ZNF804B: variants seen among roughly 807,000 people sequenced by gnomAD.
The protein encoded by ZNF804B is zinc finger protein 804B, also known as zinc finger 804B.
Under a neutral mutation model 101.4 loss-of-function variants are expected in ZNF804B, and 80 were observed. The observed-to-expected ratio is 0.79, with a 90% CI of 0.66 to 0.95. The LOEUF is 0.95. ZNF804B is among the 40% of genes least tolerant of loss of function. The pLI, the probability that ZNF804B is intolerant of heterozygous loss-of-function variation, is 0.00. For synonymous variants in ZNF804B, 622 were observed against 558.8 expected (o/e 1.11, Z -1.59); for missense variants, 1,673 against 1,561.9 (o/e 1.07, Z -1.20).
At chr7:89,095,741 A>T (rs1390962640) in intron 1 of ZNF804B, among the ~76,000 whole-genome samples, 3 of 152,372 alleles carry the variant, frequency 2.0e-5, no homozygotes, top group African/African-American at 7.2e-5. Context: ...AAATATTTGC[A>T]TTTACATTTG....
At chr7:88,872,408 A>G (rs1395065261) in intron 1 of ZNF804B, among the ~76,000 whole-genome samples, 1 of 151,782 alleles carries the variant, frequency 6.6e-6, no homozygotes, top group Non-Finnish European at 1.5e-5. Context: ...CAGAGCAAGA[A>G]CCTCTCCCTA....
intron 1 of ZNF804B, among the ~76,000 whole-genome samples, chr7:88,951,227 C>A (rs1227667402): frequency 6.6e-6 from 1 of 151,822 alleles, no homozygotes; most frequent in Non-Finnish European, 1.5e-5. Flanking sequence ...TCTGCTATTC[C>A]ACATTTAATG....
rs141281456 is a variant in ZNF804B, at chr7:88,774,624, C to T, written c.108+14540C>T. Among the ~76,000 whole-genome samples the T allele has an allele frequency of 1.6e-3, 241 of 152,236 alleles. 2 individuals carry two copies. The highest frequency in any genetic ancestry group is 5.3e-3 in the African/African-American group (222 of 41,530). ...CTATTCATCCTACTAAGTATTTATT[C>T]TTCAATGTGAATAAAGGATCTGGAA... On this transcript the variant is annotated intron_variant, in intron 1 of 3. Transcript: ENST00000333190.
chr7:88,998,609 C>T (rs1028306387), intron 1 of ZNF804B, among the ~76,000 whole-genome samples: 2 of 152,010 alleles, frequency 1.3e-5, no homozygotes, highest in Admixed American at 6.6e-5. Context: ...ATTATAATCC[C>T]TTGAGACAGC....
intron 2 of ZNF804B, among the ~76,000 whole-genome samples, chr7:89,264,080 C>G (rs1006001860): frequency 2.0e-5 from 3 of 152,154 alleles, no homozygotes; most frequent in Admixed American, 6.5e-5. Context: ...TTGTCACTTA[C>G]AAACATGTTT....
chr7:89,305,768 T>C (rs1393871134), intron 2 of ZNF804B, among the ~76,000 whole-genome samples: 1 of 151,936 alleles, frequency 6.6e-6, no homozygotes, highest in East Asian at 1.9e-4. Flanking sequence ...CTGGTATTAA[T>C]TTTTGAAAGA....
intron 1 of ZNF804B, among the ~76,000 whole-genome samples, chr7:89,193,408 C>G (rs1007140996): frequency 9.3e-5 from 14 of 151,208 alleles, no homozygotes; most frequent in Admixed American, 5.9e-4. Flanking sequence ...GTGTGCTGCA[C>G]CCATTAACTC....
At chr7:88,813,554 A>G (rs942994383) in intron 1 of ZNF804B, among the ~76,000 whole-genome samples, 9 of 152,080 alleles carry the variant, frequency 5.9e-5, no homozygotes, top group African/African-American at 2.2e-4. Flanking sequence ...CATGGCATCA[A>G]TTTCTTCATG....
At chr7:89,321,382 G>A (rs965249235) in intron 2 of ZNF804B, among the ~76,000 whole-genome samples, 16 of 152,090 alleles carry the variant, frequency 1.1e-4, no homozygotes, top group African/African-American at 3.9e-4. Context: ...AGGAGGCTGA[G>A]ACAGGAGAAT....
intron 2 of ZNF804B, among the ~76,000 whole-genome samples, chr7:89,254,308 GT>G (rs1419052290): frequency 1.3e-5 from 2 of 151,436 alleles, no homozygotes; most frequent in African/African-American, 2.4e-5. Flanking sequence ...TTAGATAACA[GT>G]AAAAATCACT....
At chr7:89,320,395 T>G (rs1366705462) in intron 2 of ZNF804B, among the ~76,000 whole-genome samples, 1 of 152,094 alleles carries the variant, frequency 6.6e-6, no homozygotes, top group Non-Finnish European at 1.5e-5. Flanking sequence ...ATTTTTCTGA[T>G]AGTCTTATCT....
intron 1 of ZNF804B, among the ~76,000 whole-genome samples, chr7:88,865,687 C>G (rs1295994576): frequency 6.6e-6 from 1 of 152,234 alleles, no homozygotes. Context: ...TCACCCTTGA[C>G]ACACCATGGA....
chr7:89,273,748 A>G (rs950916154), intron 2 of ZNF804B, among the ~76,000 whole-genome samples: 3 of 152,114 alleles, frequency 2.0e-5, no homozygotes, highest in African/African-American at 7.2e-5. Context: ...AGATCTCCTG[A>G]GTGGTAGATT....
At chr7:89,206,869 T>A (rs1325111258) in intron 1 of ZNF804B, among the ~76,000 whole-genome samples, 1 of 152,206 alleles carries the variant, frequency 6.6e-6, no homozygotes, top group East Asian at 1.9e-4. Context: ...CCCTAAATCA[T>A]CTCTCTCAAG....
chr7:88,930,617 G>A (rs1372191717), intron 1 of ZNF804B, among the ~76,000 whole-genome samples: 1 of 151,840 alleles, frequency 6.6e-6, no homozygotes, highest in Non-Finnish European at 1.5e-5. Flanking sequence ...TATTGGATGT[G>A]TATGCATGAG....
At chr7:89,270,315 A>C (rs887547993) in intron 2 of ZNF804B, among the ~76,000 whole-genome samples, 4 of 152,216 alleles carry the variant, frequency 2.6e-5, no homozygotes, top group African/African-American at 9.7e-5. Flanking sequence ...CCATTTATTA[A>C]ATAGGGAATC....
chr7:88,997,505 G>GT (rs1383703698), intron 1 of ZNF804B, among the ~76,000 whole-genome samples: 1 of 152,024 alleles, frequency 6.6e-6, no homozygotes, highest in African/African-American at 2.4e-5. Context: ...ATTAACTGAA[G>GT]TTCTGTTTCT....
At chr7:88,828,069 C>T (rs1010663728) in intron 1 of ZNF804B, among the ~76,000 whole-genome samples, 2 of 152,130 alleles carry the variant, frequency 1.3e-5, no homozygotes, top group African/African-American at 2.4e-5. Flanking sequence ...CATAGCCTCT[C>T]ATAGCTTCTT....
rs778078214 is a variant in ZNF804B at position 89,285,522 on chromosome 7, C to CAAAAAAAAAA, written c.250-41805_250-41796dup. Among the ~76,000 whole-genome samples the CAAAAAAAAAA allele has an allele frequency of 9.8e-3, 220 of 22,388 alleles. 29 individuals carry two copies. The highest frequency in any genetic ancestry group is 0.015 in the East Asian group (5 of 342). The allele number at this position is 22,388 out of a possible 152,430, so 14.7% of individuals were successfully genotyped here. On this transcript the variant is annotated intron_variant, in intron 2 of 3. Coordinates refer to ENST00000333190, the MANE Select transcript of ZNF804B (RefSeq NM_181646.5). ...TGGGCGAGAGAGCGAGACTCTGTCT[C>CAAAAAAAAAA]AAAAAAAAAAAAAAAAAAAAAAAAA...
Sources: gnomAD v4.1 joint callset for allele counts (sites outside exome capture counted in the v4.1 genomes callset) on GRCh38, gnomAD v4.1.1 for gene constraint, MANE v1.5 for transcripts, NCBI Gene and HGNC (gene_info 2026-07-23, HGNC 2026-07-21) for gene names.